Variants in CCSER1 observed in about 807,000 individuals in gnomAD.
The protein encoded by CCSER1 is serine-rich coiled-coil domain-containing protein 1.
A neutral mutation model predicts 82.0 loss-of-function variants in CCSER1; 41 were observed. The observed-to-expected ratio is 0.50, with a 90% CI of 0.39 to 0.65. The LOEUF is 0.65. Among genes scored for constraint, CCSER1 ranks in the 30% least tolerant of loss-of-function variants. The pLI is 0.00. For synonymous variants in CCSER1, 414 were observed against 383.9 expected (o/e 1.08, Z -0.92); for missense variants, 1,119 against 1,064.2 (o/e 1.05, Z -0.72).
chr4:91,340,023 A>C (rs1224356309), intron 10 of CCSER1, among the ~76,000 whole-genome samples: 10 of 152,124 alleles, frequency 6.6e-5, no homozygotes, highest in Admixed American at 6.6e-4. Flanking sequence ...AGGCTGAGGC[A>C]GGAGAATCGC....
intron 3 of CCSER1, among the ~76,000 whole-genome samples, chr4:90,338,700 C>T (rs187606036): frequency 7.2e-4 from 109 of 151,274 alleles, no homozygotes; most frequent in African/African-American, 2.1e-3. Context: ...TTTAATCAGA[C>T]GTACTCGCCT....
At chr4:91,403,054 GTCT>G (rs1020175052) in intron 10 of CCSER1, among the ~76,000 whole-genome samples, 6 of 152,040 alleles carry the variant, frequency 3.9e-5, no homozygotes, top group South Asian at 2.1e-4. Flanking sequence ...ATTTGTTTGT[GTCT>G]TCTTCTATTT....
chr4:90,980,963 A>G (rs528263116), intron 9 of CCSER1, among the ~76,000 whole-genome samples: 45 of 151,860 alleles, frequency 3.0e-4, no homozygotes, highest in African/African-American at 1.1e-3. Context: ...TATCATTTCT[A>G]TGCTTGTGGG....
intron 5 of CCSER1, among the ~76,000 whole-genome samples, chr4:90,604,022 CTT>C (rs1221381416): frequency 6.6e-6 from 1 of 152,026 alleles, no homozygotes; most frequent in Non-Finnish European, 1.5e-5. Context: ...GATTGAATGT[CTT>C]GTCTCAGGTC....
At position 90,547,370 on chromosome 4, in the gene CCSER1, C is replaced by G. The variant is rs141087606; in HGVS notation, c.1724+79016C>G. Reference sequence around the variant, plus strand: ...GATGCCACATTTTTAAACAAAGTGTCTATTTCTTCACAATTTGTATCCAGG... The same window carrying G: ...GATGCCACATTTTTAAACAAAGTGTGTATTTCTTCACAATTTGTATCCAGG... On this transcript the variant is annotated intron_variant, in intron 5 of 10. Coordinates refer to ENST00000509176, the MANE Select transcript of CCSER1 (RefSeq NM_001145065.2). Among the ~76,000 whole-genome samples the G allele has an allele frequency of 1.9e-4, 29 of 152,054 alleles. No individual in the cohort carries two copies. The East Asian group carries it at 5.6e-3, about 29-fold the overall frequency.
intron 1 of CCSER1, among the ~76,000 whole-genome samples, chr4:90,201,512 TAATA>T (rs1316406264): frequency 3.3e-5 from 5 of 149,994 alleles, no homozygotes; most frequent in African/African-American, 9.7e-5. Context: ...TTAATTTTAT[TAATA>T]AATGTATTAA....
At chr4:91,113,754 A>G (rs564933325) in intron 10 of CCSER1, among the ~76,000 whole-genome samples, 1 of 152,342 alleles carries the variant, frequency 6.6e-6, no homozygotes, top group East Asian at 1.9e-4. Flanking sequence ...ATTCATAGAA[A>G]TCTTTTAAAC....
rs116404078 is a variant in CCSER1 at position 90,903,226 on chromosome 4, G to C, written c.2095-20144G>C. 6.9e-3 allele frequency among the ~76,000 whole-genome samples: 1,050 copies of C among 152,170 alleles called. 13 individuals carry two copies. Among genetic ancestry groups the C allele is most frequent in the Non-Finnish European group, 0.011 (738 of 67,994 alleles). On this transcript the variant is annotated intron_variant, in intron 8 of 10. Transcript: ENST00000509176. ...CCCATGTGTTGTTGGAGGGACCCAGGAGGAGGTCATCAAAACATGGTGACC... is the reference window on the plus strand; with the variant it reads ...CCCATGTGTTGTTGGAGGGACCCAGCAGGAGGTCATCAAAACATGGTGACC...
intron 5 of CCSER1, among the ~76,000 whole-genome samples, chr4:90,530,201 A>G (rs1774330119): frequency 6.6e-6 from 1 of 152,158 alleles, no homozygotes; most frequent in Admixed American, 6.6e-5. Context: ...AGCTGAAGGT[A>G]CAGTGGAGAA....
chr4:90,287,765 C>T (rs1730172399), intron 1 of CCSER1, among the ~76,000 whole-genome samples: 1 of 151,626 alleles, frequency 6.6e-6, no homozygotes, highest in South Asian at 2.1e-4. Flanking sequence ...GAACATTTTG[C>T]TTTAAATATG....
chr4:90,868,999 G>C (rs1463796782), intron 8 of CCSER1, among the ~76,000 whole-genome samples: 2 of 151,984 alleles, frequency 1.3e-5, no homozygotes, highest in African/African-American at 4.8e-5. Context: ...CTGTTTGTAT[G>C]TCTTGTTTTG....
intron 10 of CCSER1, among the ~76,000 whole-genome samples, chr4:91,431,267 A>C (rs1754292721): frequency 6.6e-6 from 1 of 152,148 alleles, no homozygotes; most frequent in South Asian, 2.1e-4. Context: ...AACAAAAACA[A>C]ACATAAAAAA....
intron 1 of CCSER1, among the ~76,000 whole-genome samples, chr4:90,290,579 A>G (rs1279717773): frequency 6.6e-6 from 1 of 151,994 alleles, no homozygotes; most frequent in Non-Finnish European, 1.5e-5. Context: ...AATTCTGAAT[A>G]TGCAACTGTT....
intron 5 of CCSER1, among the ~76,000 whole-genome samples, chr4:90,569,565 G>C (rs955533096): frequency 5.3e-5 from 8 of 152,194 alleles, no homozygotes; most frequent in Non-Finnish European, 1.2e-4. Flanking sequence ...GTGGACCTCT[G>C]AGATCCTAGC....
intron 6 of CCSER1, among the ~76,000 whole-genome samples, chr4:90,673,762 T>TA (rs1733260270): frequency 6.6e-6 from 1 of 151,954 alleles, no homozygotes; most frequent in Non-Finnish European, 1.5e-5. Flanking sequence ...ACTTTGCTCT[T>TA]TTATGTAGTC....
At chr4:90,503,390 A>G (rs893282215) in intron 5 of CCSER1, among the ~76,000 whole-genome samples, 2 of 152,224 alleles carry the variant, frequency 1.3e-5, no homozygotes, top group Non-Finnish European at 2.9e-5. Context: ...ACAGGGGACC[A>G]AAATTTAGAA....
intron 9 of CCSER1, among the ~76,000 whole-genome samples, chr4:90,966,119 A>T (rs930302079): frequency 6.6e-6 from 1 of 152,104 alleles, no homozygotes; most frequent in African/African-American, 2.4e-5. Flanking sequence ...AGAAACCTGT[A>T]AAAACGCTGT....
chr4:91,337,805 G>A (rs1315389605), intron 10 of CCSER1, among the ~76,000 whole-genome samples: 1 of 152,036 alleles, frequency 6.6e-6, no homozygotes, highest in African/African-American at 2.4e-5. Context: ...TAATATATCA[G>A]GGTTTAATAA....
chr4:91,584,224 A>G (rs371424234), intron 10 of CCSER1, among the ~76,000 whole-genome samples: 27 of 151,492 alleles, frequency 1.8e-4, no homozygotes, highest in Middle Eastern at 6.8e-3. Flanking sequence ...ATAATTCTCT[A>G]TCACTCATCC....
Sources: gnomAD v4.1 joint callset for allele counts (sites outside exome capture counted in the v4.1 genomes callset) on GRCh38, gnomAD v4.1.1 for gene constraint, MANE v1.5 for transcripts, NCBI Gene and HGNC (gene_info 2026-07-23, HGNC 2026-07-21) for gene names.